RPS6KA5: variants seen among roughly 807,000 people sequenced by gnomAD.
RPS6KA5 encodes ribosomal protein S6 kinase A5.
Under a neutral mutation model 85.5 loss-of-function variants are expected in RPS6KA5, and 27 were observed. That is an observed-to-expected ratio of 0.32 (90% confidence interval 0.23 to 0.44). The LOEUF is 0.44. Ranked by LOEUF, RPS6KA5 falls within the 20% of genes least tolerant of loss-of-function variation. The probability of loss-of-function intolerance (pLI) is 1.00; values close to 1 mark genes in which losing one functional copy is unlikely to be tolerated. For synonymous variants in RPS6KA5, 334 were observed against 348.2 expected (o/e 0.96, Z 0.46); for missense variants, 811 against 980.9 (o/e 0.83, Z 2.31).
At position 90,890,594 on chromosome 14, in the gene RPS6KA5, G is replaced by T. The variant is rs781008603; in HGVS notation, c.1729C>A (p.Gln577Lys). Residue 577 changes from glutamine to lysine, a missense_variant, in exon 14 of 17, where the codon CAG becomes AAG. Around this residue, in one of 3 missense-constraint regions of RPS6KA5, gnomAD observed 650 missense variants for 793.4 expected, o/e 0.82. Coordinates refer to ENST00000614987, the MANE Select transcript of RPS6KA5 (RefSeq NM_004755.4). ...GFARLKPPDN[Q>K]PLKTPCFTLH... ...GTGAAGCATGGAGTCTTCAGGGGCT[G>T]ATTATCCGGTGGCTTTAGCCGTGCA... The T allele has an allele frequency of 1.9e-6, 3 of 1,614,178 alleles. No homozygotes were observed. The East Asian group carries it at 6.7e-5, about 36-fold the overall frequency.
At position 90,945,898 on chromosome 14, in the gene RPS6KA5, G is replaced by A. The variant is rs568805729; in HGVS notation, c.510+1537C>T. On this transcript the variant is annotated intron_variant, in intron 4 of 16. Coordinates refer to ENST00000614987, the MANE Select transcript of RPS6KA5 (RefSeq NM_004755.4). The stretch of plus-strand genomic sequence containing the variant: ...CGTTCCTGTGGTCCCAGCTACTCGG[G>A]AGATTGACACGAGAGGATCACCTGA... Among the ~76,000 whole-genome samples the A allele has an allele frequency of 2.9e-4, 44 of 152,234 alleles. 1 individual carries two copies. The highest frequency in any genetic ancestry group is 9.2e-4 in the African/African-American group (38 of 41,518).
Position 90,870,344 on chromosome 14 carries a change from G to T in RPS6KA5, c.*1730C>A, listed in dbSNP as rs1463171980. The T allele has an allele frequency of 5.3e-5, 8 of 152,098 alleles. No homozygotes were observed. The highest frequency in any genetic ancestry group is 2.9e-5 in the Non-Finnish European group (2 of 68,012). 9.4% of individuals were successfully genotyped at this position (152,098 alleles called of 1,614,324 possible). A position where few individuals can be genotyped will look rare whatever the true frequency, so the allele number is the denominator to read the frequency against. ...TAATTACTAGGAATAACTGAAAGCT[G>T]GGAGTAGAAAACTTTCATTAACTCA... On this transcript the variant is annotated 3_prime_UTR_variant, in exon 17 of 17. Coordinates refer to ENST00000614987, the MANE Select transcript of RPS6KA5 (RefSeq NM_004755.4).
chr14:90,936,398 T>C (rs2037257215), intron 5 of RPS6KA5, among the ~76,000 whole-genome samples: 1 of 152,040 alleles, frequency 6.6e-6, no homozygotes, highest in African/African-American at 2.4e-5. Flanking sequence ...ACCTAGTCTC[T>C]GCAAAAAATA....
chr14:90,925,329 C>T (rs1253638231), intron 5 of RPS6KA5, among the ~76,000 whole-genome samples: 2 of 152,132 alleles, frequency 1.3e-5, no homozygotes. Context: ...ACCTTGAAAC[C>T]AAAGAAAGCT....
intron 1 of RPS6KA5, among the ~76,000 whole-genome samples, chr14:91,044,425 GAAAGAAAGAAAGAAAGAAAGAAA>G (rs2042778297): frequency 8.1e-6 from 1 of 123,354 alleles, no homozygotes; most frequent in South Asian, 2.8e-4. Context: ...AAGAAAGAAA[GAAAGAAAGAAAGAAAGAAAGAAA>G]ATTACCCAAG....
At chr14:90,887,945 CAAAAAAAAAAAAAA>C (rs34947711) in intron 14 of RPS6KA5, among the ~76,000 whole-genome samples, 1 of 42,768 alleles carries the variant, frequency 2.3e-5, no homozygotes, top group East Asian at 1.1e-3. Flanking sequence ...GAGGCTATCG[CAAAAAAAAAAAAAA>C]AAAAAAAAAA....
chr14:90,986,893 C>T (rs980123040), intron 2 of RPS6KA5, among the ~76,000 whole-genome samples: 13 of 152,220 alleles, frequency 8.5e-5, no homozygotes, highest in Non-Finnish European at 1.0e-4. Context: ...CCTGACCACC[C>T]TCCTTCCCTC....
At chr14:91,031,392 T>TA (rs904434506) in intron 1 of RPS6KA5, among the ~76,000 whole-genome samples, 11 of 152,246 alleles carry the variant, frequency 7.2e-5, no homozygotes, top group Admixed American at 3.9e-4. Flanking sequence ...GATATAATAC[T>TA]AAAAAAGAGG....
rs976763554 is a variant in RPS6KA5 at position 91,025,715 on chromosome 14, G to C, written c.104-24556C>G. Among the ~76,000 whole-genome samples, 8 of 151,132 alleles carry C rather than the reference G, an allele frequency of 5.3e-5. No homozygotes were observed. In the South Asian group the frequency reaches 1.7e-3, roughly 31 times the overall value. On this transcript the variant is annotated intron_variant, in intron 1 of 16. Coordinates refer to ENST00000614987, the MANE Select transcript of RPS6KA5 (RefSeq NM_004755.4). ...AAATGAGAAGTTTCCAGGTTGGTCTGAGAGTCTCTCAGAGGTGTTCTAAAG... is the reference window on the plus strand; with the variant it reads ...AAATGAGAAGTTTCCAGGTTGGTCTCAGAGTCTCTCAGAGGTGTTCTAAAG...
At chr14:91,037,016 A>G (rs925322019) in intron 1 of RPS6KA5, among the ~76,000 whole-genome samples, 1 of 152,214 alleles carries the variant, frequency 6.6e-6, no homozygotes, top group African/African-American at 2.4e-5. Context: ...AATGGTGCTT[A>G]AGAGAGAGCT....
chr14:90,872,601 A>C (rs1308126335), intron 16 of RPS6KA5, among the ~76,000 whole-genome samples: 1 of 152,132 alleles, frequency 6.6e-6, no homozygotes, highest in African/African-American at 2.4e-5. Flanking sequence ...CTACATCCTA[A>C]TACGAAACAA....
At chr14:90,954,636 A>G (rs146712233) in intron 3 of RPS6KA5, among the ~76,000 whole-genome samples, 78 of 150,324 alleles carry the variant, frequency 5.2e-4, no homozygotes, top group African/African-American at 1.8e-3. Context: ...CTGTTCTTGA[A>G]CTCCTGACCT....
At chr14:90,948,460 G>A (rs547059895) in intron 3 of RPS6KA5, among the ~76,000 whole-genome samples, 19 of 152,272 alleles carry the variant, frequency 1.2e-4, no homozygotes, top group Admixed American at 5.2e-4. Context: ...ACTTTGGGAG[G>A]CCGAGGCAGG....
At chr14:91,059,309 C>T (rs1327559520) in intron 1 of RPS6KA5, among the ~76,000 whole-genome samples, 1 of 147,348 alleles carries the variant, frequency 6.8e-6, no homozygotes, top group Non-Finnish European at 1.5e-5. Context: ...CACTGCACTC[C>T]AGCCTGAGCA....
At chr14:91,009,109 C>G (rs953059159) in intron 1 of RPS6KA5, among the ~76,000 whole-genome samples, 3 of 152,166 alleles carry the variant, frequency 2.0e-5, no homozygotes, top group African/African-American at 7.2e-5. Flanking sequence ...TCCCTATTGG[C>G]CCCTGCTATG....
In RPS6KA5 at chr14:90,848,731, G is replaced by A. The variant is rs1027972184; in HGVS notation, c.*23343C>T. The A allele has an allele frequency of 6.6e-6, 1 of 152,080 alleles. No individual in the cohort carries two copies. The highest frequency in any genetic ancestry group is 1.5e-5 in the Non-Finnish European group (1 of 68,012). 9.4% of individuals were successfully genotyped at this position (152,080 alleles called of 1,614,324 possible). On this transcript the variant is annotated 3_prime_UTR_variant, in exon 17 of 17. Transcript: ENST00000614987. The stretch of plus-strand genomic sequence containing the variant: ...CCAGCTGAGTGACTTGCAAAGGTTT[G>A]CCCCAGAAGGGCTTTTTAAAGAGGC...
At chr14:90,876,308 G>T (rs1198868758) in intron 14 of RPS6KA5, among the ~76,000 whole-genome samples, 1 of 148,302 alleles carries the variant, frequency 6.7e-6, no homozygotes, top group Non-Finnish European at 1.5e-5. Flanking sequence ...CCCAGGACAT[G>T]TAACTATGGT....
intron 3 of RPS6KA5, among the ~76,000 whole-genome samples, chr14:90,954,363 A>C (rs1595322986): frequency 6.6e-6 from 1 of 152,120 alleles, no homozygotes; most frequent in Admixed American, 6.6e-5. Flanking sequence ...TTTACTAGTG[A>C]AGCCATCTGG....
In RPS6KA5 at chr14:90,881,807, T is replaced by C. The variant is rs182047686; in HGVS notation, c.1837-6447A>G. 8.3e-4 allele frequency among the ~76,000 whole-genome samples: 127 copies of C among 152,282 alleles called. 2 individuals are homozygous for C. The Middle Eastern group carries it at 0.017, about 20-fold the overall frequency. On this transcript the variant is annotated intron_variant, in intron 14 of 16. Transcript: ENST00000614987. ...TGAGCCACTGCACTCAGCCCTGATC[T>C]CTTTTGGTTACTATTTGCATGGAAT... is the stretch of plus-strand genomic sequence containing the variant.
Sources: gnomAD v4.1 joint callset for allele counts (sites outside exome capture counted in the v4.1 genomes callset) on GRCh38, gnomAD v4.1.1 for gene constraint, gnomAD v4.1.1 regional missense constraint, MANE v1.5 for transcripts, NCBI Gene and HGNC (gene_info 2026-07-23, HGNC 2026-07-21) for gene names.